SETBP1: variants seen among roughly 807,000 people sequenced by gnomAD.
The protein encoded by SETBP1 is SET binding protein 1, also known as SET-binding protein.
Under a neutral mutation model 101.0 loss-of-function variants are expected in SETBP1, and 9 were observed. The ratio of observed to expected loss-of-function variants is 0.09; its 90% confidence interval spans 0.05 to 0.16. The LOEUF (loss-of-function observed/expected upper bound fraction) is 0.16, where lower values mean the gene tolerates loss of function less well. SETBP1 is among the 10% of genes least tolerant of loss of function. SETBP1 has a pLI of 1.00. For missense variants in SETBP1, 1,858 were observed against 2,033.8 expected (o/e 0.91, Z 1.66); for synonymous variants, 818 against 788.5 (o/e 1.04, Z -0.63).
At chr18:44,793,513 T>C (rs1432845490) in intron 2 of SETBP1, among the ~76,000 whole-genome samples, 1 of 152,224 alleles carries the variant, frequency 6.6e-6, no homozygotes, top group Non-Finnish European at 1.5e-5. Flanking sequence ...ACGCCTATAC[T>C]TGGACCCCAC....
At chr18:44,743,035 C>G (rs2070136280) in intron 2 of SETBP1, among the ~76,000 whole-genome samples, 1 of 151,210 alleles carries the variant, frequency 6.6e-6, no homozygotes, top group Non-Finnish European at 1.5e-5. Flanking sequence ...GCCTGCCTCT[C>G]TCTTCCTCCC....
At chr18:44,803,089 C>T (rs2071642037) in intron 2 of SETBP1, among the ~76,000 whole-genome samples, 1 of 152,086 alleles carries the variant, frequency 6.6e-6, no homozygotes, top group Non-Finnish European at 1.5e-5. Context: ...GGAGAGAACA[C>T]ACCATATAAG....
At chr18:44,744,777 A>AAC (rs1263679873) in intron 2 of SETBP1, among the ~76,000 whole-genome samples, 2 of 128,320 alleles carry the variant, frequency 1.6e-5, no homozygotes, top group Admixed American at 7.4e-5. Flanking sequence ...CTTAAAAAAA[A>AAC]AAAAACAAAA....
intron 1 of SETBP1, among the ~76,000 whole-genome samples, chr18:44,684,517 G>A (rs577830149): frequency 1.3e-5 from 2 of 151,738 alleles, no homozygotes; most frequent in South Asian, 4.2e-4. Flanking sequence ...CTGAGTTGAA[G>A]CTTCTGGTCC....
At chr18:44,681,560 G>GC (rs949557056) in intron 1 of SETBP1, among the ~76,000 whole-genome samples, 11 of 31,704 alleles carry the variant, frequency 3.5e-4, no homozygotes, top group South Asian at 1.7e-3. Flanking sequence ...TATTCCCCCC[G>GC]CCCCCCCATC....
intron 3 of SETBP1, among the ~76,000 whole-genome samples, chr18:44,901,346 T>G (rs2070040634): frequency 6.6e-6 from 1 of 152,180 alleles, no homozygotes; most frequent in African/African-American, 2.4e-5. Flanking sequence ...GAAAGAAAAA[T>G]AAAGTCAGCA....
At chr18:44,691,043 G>T (rs900671658) in intron 1 of SETBP1, among the ~76,000 whole-genome samples, 1 of 152,150 alleles carries the variant, frequency 6.6e-6, no homozygotes, top group African/African-American at 2.4e-5. Flanking sequence ...TGGCAATTCA[G>T]ATGGCACACT....
chr18:44,788,769 GATTTT>G (rs1228777724), intron 2 of SETBP1, among the ~76,000 whole-genome samples: 1 of 142,216 alleles, frequency 7.0e-6, no homozygotes, highest in Non-Finnish European at 1.5e-5. Flanking sequence ...CAGAGAAACT[GATTTT>G]TTTTTTTCCT....
At chr18:45,047,123 G>A (rs373436558) in intron 5 of SETBP1, among the ~76,000 whole-genome samples, 17 of 152,168 alleles carry the variant, frequency 1.1e-4, no homozygotes, top group Admixed American at 4.6e-4. Context: ...ATAATAACAC[G>A]TTTTATCTTC....
chr18:44,860,826 C>T (rs146875790), intron 2 of SETBP1, among the ~76,000 whole-genome samples: 5 of 151,964 alleles, frequency 3.3e-5, no homozygotes, highest in South Asian at 2.1e-4. Context: ...AAAGGCAGTA[C>T]GGTCTTAAAA....
chr18:44,829,181 C>T (rs982741128), intron 2 of SETBP1, among the ~76,000 whole-genome samples: 21 of 152,124 alleles, frequency 1.4e-4, no homozygotes, highest in Non-Finnish European at 2.6e-4. Context: ...CTGTTTGGGT[C>T]CATGTGGGTT....
chr18:44,947,952 A>G (rs2071247783), intron 3 of SETBP1, among the ~76,000 whole-genome samples: 1 of 152,234 alleles, frequency 6.6e-6, no homozygotes. Flanking sequence ...ACAGAGTGCC[A>G]GCTAATTTCC....
intron 4 of SETBP1, among the ~76,000 whole-genome samples, chr18:45,009,545 A>G (rs2072796200): frequency 1.3e-5 from 2 of 151,702 alleles, no homozygotes; most frequent in South Asian, 4.2e-4. Flanking sequence ...CTGATTCATT[A>G]TCATTCATGG....
chr18:44,852,134 C>T (rs535764395), intron 2 of SETBP1, among the ~76,000 whole-genome samples: 20 of 152,334 alleles, frequency 1.3e-4, no homozygotes, highest in African/African-American at 3.1e-4. Flanking sequence ...GATTCAGCCC[C>T]GCTCAATAAT....
chr18:44,868,104 T>C (rs1221068281), intron 2 of SETBP1, among the ~76,000 whole-genome samples: 4 of 152,256 alleles, frequency 2.6e-5, no homozygotes, highest in African/African-American at 7.2e-5. Context: ...CATTTTTATT[T>C]AATGTTTTCT....
chr18:44,956,152 T>C (rs1404886452), intron 4 of SETBP1, among the ~76,000 whole-genome samples: 2 of 152,152 alleles, frequency 1.3e-5, no homozygotes, highest in Non-Finnish European at 2.9e-5. Context: ...CTGCATATCT[T>C]GTTAAGTTTC....
intron 3 of SETBP1, among the ~76,000 whole-genome samples, chr18:44,873,799 A>G (rs2069334279): frequency 6.6e-6 from 1 of 152,240 alleles, no homozygotes; most frequent in African/African-American, 2.4e-5. Context: ...AAAATTAACT[A>G]TGACTGAAGT....
intron 3 of SETBP1, among the ~76,000 whole-genome samples, chr18:44,910,662 A>T (rs1452463339): frequency 6.6e-6 from 1 of 152,130 alleles, no homozygotes; most frequent in Non-Finnish European, 1.5e-5. Context: ...CCCAGAGGAA[A>T]CTAAATTTCT....
intron 2 of SETBP1, among the ~76,000 whole-genome samples, chr18:44,834,143 G>A (rs1450282447): frequency 6.6e-6 from 1 of 152,096 alleles, no homozygotes; most frequent in Non-Finnish European, 1.5e-5. Context: ...TGAGATAATG[G>A]GTGTGGATCC....
Sources: gnomAD v4.1 joint callset for allele counts (sites outside exome capture counted in the v4.1 genomes callset) on GRCh38, gnomAD v4.1.1 for gene constraint, MANE v1.5 for transcripts, NCBI Gene and HGNC (gene_info 2026-07-23, HGNC 2026-07-21) for gene names.